PTCH1: variants seen among roughly 807,000 people sequenced by gnomAD.
The protein encoded by PTCH1 is protein patched homolog 1.
PTCH1 carries 14 observed loss-of-function variants against 144.6 expected under a neutral mutation model. The ratio of observed to expected loss-of-function variants is 0.10; its 90% CI spans 0.06 to 0.15. PTCH1 has a LOEUF of 0.15. Among genes scored for constraint, PTCH1 ranks in the 10% least tolerant of loss-of-function variants. The probability of loss-of-function intolerance (pLI) is 1.00; values close to 1 mark genes in which losing one functional copy is unlikely to be tolerated. For synonymous variants in PTCH1, 833 were observed against 793.6 expected, an observed-to-expected ratio of 1.05 and a Z score of -0.83; for missense variants, 1,623 against 1,948.3, an observed-to-expected ratio of 0.83 and a Z score of 3.14.
At chr9:95,502,697 T>C (rs894810947) in intron 2 of PTCH1, among the ~76,000 whole-genome samples, 4 of 152,192 alleles carry the variant, frequency 2.6e-5, no homozygotes, top group Non-Finnish European at 4.4e-5. Flanking sequence ...ATAATTCTTA[T>C]CACCAATTCC....
Position 95,445,545 on chromosome 9 carries a change from A to G in PTCH1, c.*848T>C, listed in dbSNP as rs1653180876. The G allele has an allele frequency of 6.6e-6, 1 of 152,274 alleles. No homozygotes were observed. Among genetic ancestry groups the G allele is most frequent in the Admixed American group, 6.5e-5 (1 of 15,288 alleles). 9.4% of individuals were successfully genotyped at this position (152,274 alleles called of 1,614,324 possible). On this transcript the variant is annotated 3_prime_UTR_variant, in exon 24 of 24. Transcript: ENST00000331920. ...AAATTGGGGTCCTGGATGGCAGCCA[A>G]TGATCATAAGAGATGCCGTAGACAC...
At chr9:95,450,108 C>T in intron 20 of PTCH1, 168 bp from the exon 21 acceptor site, 1 of 683,388 alleles carries the variant, frequency 1.5e-6, no homozygotes, top group Non-Finnish European at 2.7e-6. Flanking sequence ...TGAGTTTTTG[C>T]TTTTTGTTTC....
At chr9:95,488,062 G>C (rs1842104542) in intron 2 of PTCH1, among the ~76,000 whole-genome samples, 1 of 152,146 alleles carries the variant, frequency 6.6e-6, no homozygotes, top group Non-Finnish European at 1.5e-5. Context: ...CACAAAGTTT[G>C]TGCTGCTAAG....
chr9:95,511,646 GATAAA>G, upstream of PTCH1, among the ~76,000 whole-genome samples: 1 of 152,226 alleles, frequency 6.6e-6, no homozygotes, highest in Non-Finnish European at 1.5e-5. Context: ...ACACTGAGTT[GATAAA>G]GAGCTCAGAC....
chr9:95,494,150 A>G, intron 2 of PTCH1: 1 of 957,308 alleles, frequency 1.0e-6, no homozygotes, highest in Non-Finnish European at 1.2e-6. Flanking sequence ...GGGGTTCTGC[A>G]ACGCGCATGC....
chr9:95,448,959 C>A, intron 22 of PTCH1, 110 bp downstream of exon 22: 2 of 1,465,820 alleles, frequency 1.4e-6, no homozygotes, highest in Non-Finnish European at 1.9e-6. Flanking sequence ...ATCTCTGCAT[C>A]CCATCTGCCT....
At chr9:95,509,873 G>C (rs1252010314), upstream of PTCH1, among the ~76,000 whole-genome samples, 1 of 152,066 alleles carries the variant, frequency 6.6e-6, no homozygotes, top group Non-Finnish European at 1.5e-5. Context: ...GAAGACTTAG[G>C]CTCTTGCAGG....
At chr9:95,468,687 A>G in intron 14 of PTCH1, 64 bp downstream of exon 14, 1 of 1,583,968 alleles carries the variant, frequency 6.3e-7, no homozygotes, top group Non-Finnish European at 8.7e-7. Context: ...AAGCAATCTG[A>G]TGAACTCCAA....
At position 95,484,178 on chromosome 9, in the gene PTCH1, C is replaced by T. The variant is rs1353474862; in HGVS notation, c.584+1507G>A. 3 of 152,252 alleles carry T rather than the reference C, an allele frequency of 2.0e-5. No homozygotes were observed. The East Asian group carries it at 5.8e-4, about 29-fold the overall frequency. The allele number at this position is 152,252 out of a possible 1,614,324, so 9.4% of individuals were successfully genotyped here. On this transcript the variant is annotated intron_variant, in intron 3 of 23. Transcript: ENST00000331920. Reference sequence around the variant, plus strand: ...ACTAAGAATGCATTGGCCATGCTTGCAGTGGCCCCAGGACAACCTGGCTCC... The same window carrying T: ...ACTAAGAATGCATTGGCCATGCTTGTAGTGGCCCCAGGACAACCTGGCTCC...
chr9:95,449,373 G>A lies in PTCH1; in HGVS notation c.3550-50C>T, dbSNP rs2136603888. ...AAGTGTTCTTGTCCATTTACCTGCT[G>A]GCCACACTCAAAGCTCAAAGCACGG... On this transcript the variant is annotated intron_variant, in intron 21 of 23. Coordinates refer to ENST00000331920, the MANE Select transcript of PTCH1 (RefSeq NM_000264.5). This position sits in a 1 kb window ranked among gnomAD's most constrained non-coding sequence, Gnocchi z 5.3. 1.3e-6 allele frequency: 2 copies of A among 1,537,524 alleles called. No homozygotes were observed. Among genetic ancestry groups the A allele is most frequent in the Non-Finnish European group, 1.7e-6 (2 of 1,146,612 alleles).
At chr9:95,485,959 A>G in intron 2 of PTCH1, 85 bp from the exon 3 acceptor site, 1 of 1,446,712 alleles carries the variant, frequency 6.9e-7, no homozygotes, top group South Asian at 1.1e-5. Flanking sequence ...CTGCCATAGG[A>G]TACACAATAG....
chr9:95,503,686 C>T (rs975653763), intron 2 of PTCH1, among the ~76,000 whole-genome samples: 1 of 152,100 alleles, frequency 6.6e-6, no homozygotes, highest in Non-Finnish European at 1.5e-5. Flanking sequence ...TGGGACAATC[C>T]TCATCATAAA....
At chr9:95,478,301 T>G in intron 8 of PTCH1, 115 bp from the exon 9 acceptor site, 1 of 1,498,138 alleles carries the variant, frequency 6.7e-7, no homozygotes. Flanking sequence ...ATGCATTTTT[T>G]AAAAAAGTTC....
chr9:95,504,102 G>A (rs184917308), intron 2 of PTCH1, among the ~76,000 whole-genome samples: 1 of 134,998 alleles, frequency 7.4e-6, no homozygotes, highest in Non-Finnish European at 1.6e-5. Context: ...TAAGGCATGC[G>A]ATAATATATA....
At chr9:95,501,022 C>T (rs1055878708) in intron 2 of PTCH1, among the ~76,000 whole-genome samples, 9 of 152,134 alleles carry the variant, frequency 5.9e-5, no homozygotes, top group Non-Finnish European at 1.3e-4. Flanking sequence ...TCTATAAATA[C>T]AGGAATGGGA....
intron 16 of PTCH1, among the ~76,000 whole-genome samples, chr9:95,460,822 A>G (rs1253720958): frequency 1.3e-5 from 2 of 152,094 alleles, no homozygotes; most frequent in Non-Finnish European, 2.9e-5. Context: ...TCCCTCGCCC[A>G]GCCCTGCTGC....
intron 12 of PTCH1, among the ~76,000 whole-genome samples, chr9:95,470,229 A>G (rs986989202): frequency 6.6e-6 from 1 of 152,224 alleles, no homozygotes; most frequent in African/African-American, 2.4e-5. Context: ...CCAAATCCAC[A>G]AAGGCAGAAC....
At chr9:95,495,373 C>CA (rs1842716447) in intron 2 of PTCH1, 1 of 151,758 alleles carries the variant, frequency 6.6e-6, no homozygotes, top group Admixed American at 6.6e-5. Flanking sequence ...TCATGCATTT[C>CA]AAAGTATGTG....
intron 2 of PTCH1, among the ~76,000 whole-genome samples, chr9:95,492,040 G>A (rs554419977): frequency 1.3e-5 from 2 of 152,298 alleles, no homozygotes; most frequent in East Asian, 3.9e-4. Flanking sequence ...AATGAGGCCG[G>A]TGATGCTGGA....
Sources: gnomAD v4.1 joint callset for allele counts (sites outside exome capture counted in the v4.1 genomes callset) on GRCh38, gnomAD v4.1.1 for gene constraint, Gnocchi (gnomAD v3.1) non-coding constraint, MANE v1.5 for transcripts, NCBI Gene and HGNC (gene_info 2026-07-23, HGNC 2026-07-21) for gene names.